The following MGAT4A variants were observed in gnomAD, a reference collection of about 807,000 sequenced individuals.
The protein encoded by MGAT4A is N-acetylglucosaminyltransferase IVa.
A neutral mutation model predicts 74.1 loss-of-function variants in MGAT4A; 33 were observed. That is an observed-to-expected ratio of 0.45 (90% CI 0.34 to 0.60). MGAT4A has a LOEUF of 0.60. Among genes scored for constraint, MGAT4A ranks in the 20% least tolerant of loss-of-function variants. The pLI, the probability that MGAT4A is intolerant of heterozygous loss-of-function variation, is 0.02. For missense variants in MGAT4A, 479 were observed against 628.3 expected (o/e 0.76, Z 2.54); for synonymous variants, 198 against 210.4 (o/e 0.94, Z 0.51).
rs1701026269 is a variant in MGAT4A at position 98,620,134 on chromosome 2, G to C, written c.*5432C>G. Reference sequence around the variant, plus strand: ...GGTAAGAAGAAGAGTTTATATATAGGTGTTGATACAGATATGTATAACAAA... The same window carrying C: ...GGTAAGAAGAAGAGTTTATATATAGCTGTTGATACAGATATGTATAACAAA... On this transcript the variant is annotated 3_prime_UTR_variant, in exon 16 of 16. Transcript: ENST00000393487. 6.6e-6 allele frequency: 1 copy of C among 152,130 alleles called. No homozygotes were observed. The highest frequency in any genetic ancestry group is 1.5e-5 in the Non-Finnish European group (1 of 68,010). The allele number at this position is 152,130 out of a possible 1,614,324, so 9.4% of individuals were successfully genotyped here. A position where few individuals can be genotyped will look rare whatever the true frequency, so the allele number is the denominator to read the frequency against.
At chr2:98,720,185 C>T (rs1002044324) in intron 2 of MGAT4A, among the ~76,000 whole-genome samples, 4 of 152,136 alleles carry the variant, frequency 2.6e-5, no homozygotes, top group Non-Finnish European at 5.9e-5. Context: ...GTCAATCTCA[C>T]GGGGCTAAGG....
intron 2 of MGAT4A, among the ~76,000 whole-genome samples, chr2:98,714,992 T>G (rs983124453): frequency 1.3e-5 from 2 of 152,046 alleles, no homozygotes; most frequent in African/African-American, 4.8e-5. Context: ...ATCCATGAGT[T>G]CATACTTATG....
At chr2:98,660,541 A>G (rs994817655) in intron 5 of MGAT4A, among the ~76,000 whole-genome samples, 1 of 152,114 alleles carries the variant, frequency 6.6e-6, no homozygotes, top group African/African-American at 2.4e-5. Context: ...CTATGAAGCT[A>G]TAATAATGTA....
chr2:98,708,946 T>C (rs1702477186), intron 2 of MGAT4A, among the ~76,000 whole-genome samples: 1 of 152,218 alleles, frequency 6.6e-6, no homozygotes, highest in Non-Finnish European at 1.5e-5. Context: ...TGTGGAGGAC[T>C]CATCCAGAGA....
intron 2 of MGAT4A, among the ~76,000 whole-genome samples, chr2:98,708,913 C>T (rs185544514): frequency 1.3e-5 from 2 of 152,294 alleles, no homozygotes; most frequent in East Asian, 1.9e-4. Context: ...TGACAGACAA[C>T]GTGAGCATCC....
Position 98,620,688 on chromosome 2 carries a change from A to T in MGAT4A, c.*4878T>A, listed in dbSNP as rs1286078405. On this transcript the variant is annotated 3_prime_UTR_variant, in exon 16 of 16. Transcript: ENST00000393487. ...AAAAATTAAATCCCTCGATACACAGATTATCTGATCTCTACAAGGCAAAGG... is the reference window on the plus strand; with the variant it reads ...AAAAATTAAATCCCTCGATACACAGTTTATCTGATCTCTACAAGGCAAAGG... 1 of 152,222 alleles carries T rather than the reference A, an allele frequency of 6.6e-6. No individual in the cohort carries two copies. The highest frequency in any genetic ancestry group is 1.5e-5 in the Non-Finnish European group (1 of 68,040). The allele number at this position is 152,222 out of a possible 1,614,324, so 9.4% of individuals were successfully genotyped here. A position where few individuals can be genotyped will look rare whatever the true frequency, so the allele number is the denominator to read the frequency against.
chr2:98,702,311 C>A (rs899347813), intron 2 of MGAT4A, among the ~76,000 whole-genome samples: 3 of 152,188 alleles, frequency 2.0e-5, no homozygotes, highest in Non-Finnish European at 4.4e-5. Flanking sequence ...AGCAGCAAGC[C>A]CAGAGGCAGG....
chr2:98,728,017 C>G (rs1307700013), intron 1 of MGAT4A, among the ~76,000 whole-genome samples: 1 of 152,164 alleles, frequency 6.6e-6, no homozygotes, highest in East Asian at 1.9e-4. Context: ...CCTCCTGCAC[C>G]TGGCAATATG....
chr2:98,699,612 A>G (rs893154464), intron 2 of MGAT4A, among the ~76,000 whole-genome samples: 11 of 152,194 alleles, frequency 7.2e-5, no homozygotes, highest in Non-Finnish European at 1.6e-4. Flanking sequence ...TTGATCAATA[A>G]TATGCATAAA....
intron 3 of MGAT4A, 55 bp downstream of exon 3, chr2:98,678,249 A>AT (rs1553538280): frequency 0.026 from 6,740 of 261,612 alleles, 111 homozygotes; most frequent in African/African-American, 0.056. Flanking sequence ...AAAAAAAAAA[A>AT]ATATATATAT....
chr2:98,662,118 C>T (rs1701760264), intron 5 of MGAT4A, among the ~76,000 whole-genome samples: 1 of 152,176 alleles, frequency 6.6e-6, no homozygotes, highest in Non-Finnish European at 1.5e-5. Context: ...GGCGGAAAAA[C>T]AGGAAACTCA....
intron 5 of MGAT4A, among the ~76,000 whole-genome samples, chr2:98,660,309 T>C (rs1402420449): frequency 2.0e-5 from 3 of 151,996 alleles, no homozygotes; most frequent in Non-Finnish European, 4.4e-5. Context: ...CAAAGTGATC[T>C]ACAGATTCAA....
chr2:98,655,984 G>T (rs1480544027), intron 7 of MGAT4A: 1 of 193,574 alleles, frequency 5.2e-6, no homozygotes. Flanking sequence ...TCCCTATTCT[G>T]GTGCCTAGGA....
intron 2 of MGAT4A, among the ~76,000 whole-genome samples, chr2:98,683,019 C>T (rs1335780974): frequency 6.6e-6 from 1 of 151,310 alleles, no homozygotes; most frequent in Non-Finnish European, 1.5e-5. Context: ...ACCCAGGAGG[C>T]GGAGGTTGCA....
chr2:98,665,398 T>G (rs569737107), intron 4 of MGAT4A, among the ~76,000 whole-genome samples: 81 of 150,694 alleles, frequency 5.4e-4, no homozygotes, highest in Middle Eastern at 3.5e-3. Context: ...TCTACCACCA[T>G]GATTCTTGAG....
rs778444558 is a variant in MGAT4A, at chr2:98,636,526, C to A, written c.1392G>T (p.Leu464Phe). The part of the protein sequence containing the change: ...DILLNTTVEV[L>F]PFKSEGLEIS... Reference sequence around the variant, plus strand: ...GAAATAGCAGTCATACCTTAAAAGGCAAAACTTCCACAGTTGTGTTTAGCA... The same window carrying A: ...GAAATAGCAGTCATACCTTAAAAGGAAAAACTTCCACAGTTGTGTTTAGCA... Residue 464 changes from leucine to phenylalanine, a missense_variant, in exon 13 of 16, where the codon TTG becomes TTT. Transcript: ENST00000393487. 7 of 1,613,148 alleles carry A rather than the reference C, an allele frequency of 4.3e-6. No homozygotes were observed. The highest frequency in any genetic ancestry group is 1.6e-4 in the Middle Eastern group (1 of 6,080).
chr2:98,654,742 A>G (rs1461692710), intron 8 of MGAT4A, among the ~76,000 whole-genome samples: 1 of 152,194 alleles, frequency 6.6e-6, no homozygotes, highest in Non-Finnish European at 1.5e-5. Flanking sequence ...CTACAGATTC[A>G]ATACAATCCC....
At chr2:98,677,800 AATTTTTT>A (rs899074880) in intron 3 of MGAT4A, among the ~76,000 whole-genome samples, 3 of 120,576 alleles carry the variant, frequency 2.5e-5, no homozygotes, top group African/African-American at 5.7e-5. Flanking sequence ...GCAGGTAATA[AATTTTTT>A]TTTTTTTTTT....
chr2:98,720,623 AGT>A (rs57302536), intron 2 of MGAT4A, among the ~76,000 whole-genome samples: 45,610 of 150,658 alleles, frequency 0.3, 7,357 homozygotes, highest in Non-Finnish European at 0.38. Flanking sequence ...CATGTGTTTG[AGT>A]GTGTGTGTGT....
Sources: allele counts gnomAD v4.1 joint callset (sites outside exome capture counted in the v4.1 genomes callset), GRCh38; gene constraint gnomAD v4.1.1; transcripts MANE v1.5; gene names NCBI Gene and HGNC (gene_info 2026-07-23, HGNC 2026-07-21).